LRP1B: variants seen among roughly 807,000 people sequenced by gnomAD.
LRP1B encodes LDL receptor related protein 1B.
In LRP1B, 217 loss-of-function variants were observed where a neutral mutation model predicts 556.6. The observed-to-expected ratio is 0.39, with a 90% CI of 0.35 to 0.44. The LOEUF is 0.44. LRP1B is among the 20% of genes least tolerant of loss of function. The pLI, the probability that LRP1B is intolerant of heterozygous loss-of-function variation, is 1.00. For synonymous variants in LRP1B, 2,047 were observed against 1,865.8 expected (o/e 1.10, Z -2.50); for missense variants, 5,053 against 5,620.8 (o/e 0.90, Z 3.23).
intron 20 of LRP1B, among the ~76,000 whole-genome samples, chr2:140,946,177 C>T (rs534677936): frequency 4.6e-5 from 7 of 152,102 alleles, no homozygotes; most frequent in African/African-American, 1.7e-4. Context: ...ATCAGAATGG[C>T]TATTATTAAA....
chr2:140,929,517 G>T (rs1403188322), intron 20 of LRP1B, among the ~76,000 whole-genome samples: 1 of 152,066 alleles, frequency 6.6e-6, no homozygotes, highest in Admixed American at 6.6e-5. Flanking sequence ...GATCTTGAAA[G>T]ATCTTGTGTG....
chr2:140,597,906 G>A (rs1049734163), intron 43 of LRP1B, among the ~76,000 whole-genome samples: 1 of 152,072 alleles, frequency 6.6e-6, no homozygotes, highest in Non-Finnish European at 1.5e-5. Flanking sequence ...GAGGCATGAG[G>A]AGCCTGAGGA....
intron 1 of LRP1B, among the ~76,000 whole-genome samples, chr2:142,095,572 G>A (rs1384009466): frequency 6.6e-6 from 1 of 151,644 alleles, no homozygotes; most frequent in Non-Finnish European, 1.5e-5. Flanking sequence ...TATTCTGAGA[G>A]TACCCATAGG....
intron 41 of LRP1B, among the ~76,000 whole-genome samples, chr2:140,614,822 G>T (rs763763087): frequency 1.3e-5 from 2 of 152,120 alleles, no homozygotes; most frequent in African/African-American, 4.8e-5. Flanking sequence ...CCAGGAAAGA[G>T]CTTAAAGCTG....
chr2:141,796,959 G>T (rs913128075), intron 2 of LRP1B, among the ~76,000 whole-genome samples: 2 of 151,128 alleles, frequency 1.3e-5, no homozygotes, highest in Non-Finnish European at 3.0e-5. Context: ...AAGATTGGAT[G>T]AAAAAATTCT....
chr2:141,119,813 A>C (rs76891498), intron 7 of LRP1B, among the ~76,000 whole-genome samples: 5,832 of 151,860 alleles, frequency 0.038, 149 homozygotes, highest in Non-Finnish European at 0.056. Context: ...CTGTGCTCAC[A>C]GAGCAGGGGA....
At chr2:141,012,825 T>C (rs954624672) in intron 14 of LRP1B, among the ~76,000 whole-genome samples, 6 of 151,896 alleles carry the variant, frequency 4.0e-5, no homozygotes, top group Non-Finnish European at 5.9e-5. Context: ...CTTAAATGTA[T>C]TGAACTACAT....
At chr2:141,007,044 A>C (rs1282591216) in intron 14 of LRP1B, among the ~76,000 whole-genome samples, 1 of 151,980 alleles carries the variant, frequency 6.6e-6, no homozygotes, top group Non-Finnish European at 1.5e-5. Flanking sequence ...CAGCTTGTTG[A>C]AAGCATCAAT....
intron 45 of LRP1B, among the ~76,000 whole-genome samples, chr2:140,537,288 G>A (rs1322314844): frequency 6.7e-6 from 1 of 149,958 alleles, no homozygotes; most frequent in Non-Finnish European, 1.5e-5. Context: ...CATACTGAAA[G>A]TGTTTTTGTG....
intron 14 of LRP1B, among the ~76,000 whole-genome samples, chr2:141,011,528 A>G (rs963486057): frequency 1.3e-5 from 2 of 152,060 alleles, no homozygotes; most frequent in Admixed American, 6.6e-5. Flanking sequence ...GATCAAACAT[A>G]TAGTTAAGTA....
intron 7 of LRP1B, among the ~76,000 whole-genome samples, chr2:141,083,222 A>G (rs1259102383): frequency 6.6e-6 from 1 of 152,196 alleles, no homozygotes; most frequent in East Asian, 1.9e-4. Flanking sequence ...CTAAAAATAT[A>G]ATAAAATTTG....
chr2:140,335,222 C>T (rs1237983484), intron 78 of LRP1B, among the ~76,000 whole-genome samples: 2 of 150,732 alleles, frequency 1.3e-5, no homozygotes, highest in Non-Finnish European at 3.0e-5. Flanking sequence ...GTGTGTGTAC[C>T]TTCATCTTTT....
intron 3 of LRP1B, among the ~76,000 whole-genome samples, chr2:141,421,246 C>T (rs1041821794): frequency 5.3e-5 from 8 of 152,060 alleles, no homozygotes; most frequent in East Asian, 1.9e-4. Context: ...TTACCTCTTT[C>T]GGCCGGGCGC....
intron 1 of LRP1B, among the ~76,000 whole-genome samples, chr2:141,837,457 A>G (rs539370402): frequency 6.6e-5 from 10 of 152,188 alleles, no homozygotes; most frequent in Admixed American, 2.6e-4. Context: ...GTGCCTGTAC[A>G]ATGAGAAGTT....
At chr2:141,619,799 T>C (rs1688437655) in intron 2 of LRP1B, among the ~76,000 whole-genome samples, 1 of 113,598 alleles carries the variant, frequency 8.8e-6, no homozygotes, top group African/African-American at 2.9e-5. Flanking sequence ...ACAGCTTTTA[T>C]TTATCTCTTA....
intron 49 of LRP1B, among the ~76,000 whole-genome samples, chr2:140,518,853 A>T (rs1347438340): frequency 6.6e-6 from 1 of 152,186 alleles, no homozygotes; most frequent in African/African-American, 2.4e-5. Context: ...GGTTTTCTAA[A>T]TATACAATCA....
rs149001252 is a variant in LRP1B, at chr2:142,123,715, AG to A, written c.82+6932del. Reference sequence around the variant, plus strand: ...AAGTTGGAAGAAATTGTATATGAAAAGGTACTTTCTCAACTTCTGTAAAGGA... The same window carrying A: ...AAGTTGGAAGAAATTGTATATGAAAAGTACTTTCTCAACTTCTGTAAAGGA... On this transcript the variant is annotated intron_variant, in intron 1 of 90. Coordinates refer to ENST00000389484, the MANE Select transcript of LRP1B (RefSeq NM_018557.3). Among the ~76,000 whole-genome samples, 173 of 151,778 alleles carry A rather than the reference AG, an allele frequency of 1.1e-3. 1 individual carries two copies. Among genetic ancestry groups the A allele is most frequent in the African/African-American group, 4.1e-3 (171 of 41,470 alleles).
chr2:140,860,812 T>C (rs1466541424), intron 27 of LRP1B, among the ~76,000 whole-genome samples: 2 of 152,056 alleles, frequency 1.3e-5, no homozygotes, highest in African/African-American at 4.8e-5. Context: ...ACCTTTGGGC[T>C]GAGTGAGGAC....
intron 3 of LRP1B, among the ~76,000 whole-genome samples, chr2:141,323,138 G>A (rs575012465): frequency 6.6e-6 from 1 of 152,184 alleles, no homozygotes; most frequent in South Asian, 2.1e-4. Flanking sequence ...TTTTGCATGA[G>A]ATGTGCCAGC....
Sources: gnomAD v4.1 joint callset for allele counts (sites outside exome capture counted in the v4.1 genomes callset) on GRCh38, gnomAD v4.1.1 for gene constraint, MANE v1.5 for transcripts, NCBI Gene and HGNC (gene_info 2026-07-23, HGNC 2026-07-21) for gene names.